The following CAMKMT variants were observed in gnomAD, a reference collection of about 807,000 sequenced individuals.
The protein encoded by CAMKMT is CaM KMT.
Under a neutral mutation model 48.0 loss-of-function variants are expected in CAMKMT, and 53 were observed. The ratio of observed to expected loss-of-function variants is 1.10; its 90% CI spans 0.89 to 1.39. The LOEUF (loss-of-function observed/expected upper bound fraction) is 1.39, where lower values mean the gene tolerates loss of function less well. Among genes scored for constraint, CAMKMT ranks in the 40% most tolerant of loss-of-function variants. The pLI is 0.00. For synonymous variants in CAMKMT, 165 were observed against 152.3 expected (o/e 1.08, Z -0.61); for missense variants, 428 against 402.7 (o/e 1.06, Z -0.54).
At chr2:44,616,536 A>AT (rs5830798) in intron 3 of CAMKMT, among the ~76,000 whole-genome samples, 76,388 of 150,946 alleles carry the variant, frequency 0.51, 21,229 homozygotes, top group Middle Eastern at 0.65. Context: ...CTTTAACAAT[A>AT]TATTTTTTTG....
chr2:44,602,156 C>T (rs1048220542), intron 3 of CAMKMT, among the ~76,000 whole-genome samples: 1 of 151,968 alleles, frequency 6.6e-6, no homozygotes, highest in Non-Finnish European at 1.5e-5. Context: ...CAGGTGCACA[C>T]CCCCACACCT....
chr2:44,674,596 A>C (rs1675564088), intron 3 of CAMKMT, among the ~76,000 whole-genome samples: 3 of 152,202 alleles, frequency 2.0e-5, no homozygotes, highest in Non-Finnish European at 2.9e-5. Flanking sequence ...CCTCAACCAA[A>C]GTGCCCTACT....
intron 3 of CAMKMT, among the ~76,000 whole-genome samples, chr2:44,634,103 T>C (rs1020396986): frequency 2.0e-5 from 3 of 152,154 alleles, no homozygotes; most frequent in Admixed American, 1.3e-4. Context: ...TTACAGACTA[T>C]TGTTTTTTTG....
intron 2 of CAMKMT, among the ~76,000 whole-genome samples, chr2:44,384,103 T>C (rs959740222): frequency 1.3e-5 from 2 of 152,196 alleles, no homozygotes; most frequent in Non-Finnish European, 2.9e-5. Context: ...AGTGTAGAGG[T>C]GTTCCCTGAT....
intron 3 of CAMKMT, among the ~76,000 whole-genome samples, chr2:44,474,986 T>C (rs1161826564): frequency 6.6e-6 from 1 of 152,174 alleles, no homozygotes; most frequent in Non-Finnish European, 1.5e-5. Context: ...ACCTGAGACA[T>C]AGTGATAGAT....
chr2:44,406,317 A>G (rs979864459), intron 3 of CAMKMT, among the ~76,000 whole-genome samples: 1 of 152,014 alleles, frequency 6.6e-6, no homozygotes, highest in African/African-American at 2.4e-5. Flanking sequence ...AGGGGAATTT[A>G]TATAACATCT....
intron 3 of CAMKMT, among the ~76,000 whole-genome samples, chr2:44,684,781 G>A (rs972930370): frequency 6.6e-6 from 1 of 152,160 alleles, no homozygotes; most frequent in Non-Finnish European, 1.5e-5. Flanking sequence ...GATCTATCCT[G>A]TCTATTGGTG....
intron 7 of CAMKMT, chr2:44,723,599 A>AATACATAC (rs796244793): frequency 1.5e-4 from 16 of 104,740 alleles, no homozygotes; most frequent in African/African-American, 7.8e-4. Flanking sequence ...AAAATAAATA[A>AATACATAC]ATACATACAT....
intron 3 of CAMKMT, among the ~76,000 whole-genome samples, chr2:44,421,507 A>G (rs1312117000): frequency 6.6e-6 from 1 of 152,210 alleles, no homozygotes; most frequent in East Asian, 1.9e-4. Flanking sequence ...ACATTAAAAG[A>G]TGACATCGCT....
At chr2:44,487,575 T>G (rs1669275116) in intron 3 of CAMKMT, among the ~76,000 whole-genome samples, 1 of 152,210 alleles carries the variant, frequency 6.6e-6, no homozygotes, top group African/African-American at 2.4e-5. Context: ...TATAAACTGT[T>G]TAATTTAATG....
At chr2:44,480,970 A>G (rs1204349235) in intron 3 of CAMKMT, among the ~76,000 whole-genome samples, 1 of 152,012 alleles carries the variant, frequency 6.6e-6, no homozygotes, top group Non-Finnish European at 1.5e-5. Flanking sequence ...TAAATAGGAG[A>G]TACATGCCTA....
intron 3 of CAMKMT, among the ~76,000 whole-genome samples, chr2:44,440,811 A>G (rs768106534): frequency 6.6e-6 from 1 of 152,028 alleles, no homozygotes; most frequent in Non-Finnish European, 1.5e-5. Context: ...GTAATTGTAG[A>G]ACCTTTTATC....
At chr2:44,555,315 T>C (rs1284872629) in intron 3 of CAMKMT, among the ~76,000 whole-genome samples, 2 of 152,070 alleles carry the variant, frequency 1.3e-5, no homozygotes, top group Non-Finnish European at 2.9e-5. Flanking sequence ...AAGAAGTGAA[T>C]TGATTAGAAA....
chr2:44,748,598 C>T (rs1001208742), intron 8 of CAMKMT, among the ~76,000 whole-genome samples: 19 of 152,076 alleles, frequency 1.2e-4, no homozygotes, highest in Non-Finnish European at 2.4e-4. Flanking sequence ...TTGGGCCAGA[C>T]GCGGTGGCTC....
intron 3 of CAMKMT, among the ~76,000 whole-genome samples, chr2:44,533,104 G>A (rs541613975): frequency 1.5e-4 from 23 of 150,734 alleles, no homozygotes; most frequent in African/African-American, 2.4e-4. Flanking sequence ...ATGAGCCACC[G>A]CTCCTGACCT....
At chr2:44,629,101 T>C (rs1379820032) in intron 3 of CAMKMT, among the ~76,000 whole-genome samples, 2 of 152,222 alleles carry the variant, frequency 1.3e-5, no homozygotes, top group African/African-American at 4.8e-5. Flanking sequence ...TGCCAATTAC[T>C]GAGAGAAGAG....
chr2:44,443,828 CA>C (rs1191794339), intron 3 of CAMKMT, among the ~76,000 whole-genome samples: 1 of 152,176 alleles, frequency 6.6e-6, no homozygotes, highest in African/African-American at 2.4e-5. Flanking sequence ...GTTCTCACCT[CA>C]TATGTATGGC....
chr2:44,579,173 TCAGATTAGGG>T (rs915779149), intron 3 of CAMKMT, among the ~76,000 whole-genome samples: 19 of 152,236 alleles, frequency 1.2e-4, no homozygotes, highest in African/African-American at 4.1e-4. Flanking sequence ...CAATTTCTGG[TCAGATTAGGG>T]CAGAAGGTTG....
At chr2:44,462,451 A>G (rs564814427) in intron 3 of CAMKMT, among the ~76,000 whole-genome samples, 9 of 152,212 alleles carry the variant, frequency 5.9e-5, no homozygotes, top group South Asian at 2.1e-4. Context: ...TTTCATGTCA[A>G]TGAACATTAT....
Sources: gnomAD v4.1 joint callset for allele counts (sites outside exome capture counted in the v4.1 genomes callset) on GRCh38, gnomAD v4.1.1 for gene constraint, MANE v1.5 for transcripts, NCBI Gene and HGNC (gene_info 2026-07-23, HGNC 2026-07-21) for gene names.